The following KCNK2 variants were observed in gnomAD, a reference collection of about 807,000 sequenced individuals.
The protein encoded by KCNK2 is potassium channel subfamily K member 2.
Under a neutral mutation model 40.5 loss-of-function variants are expected in KCNK2, and 21 were observed. That is an observed-to-expected ratio of 0.52 (90% CI 0.37 to 0.75). The LOEUF is 0.75. Among genes scored for constraint, KCNK2 ranks in the 30% least tolerant of loss-of-function variants. KCNK2 has a pLI of 0.00. For synonymous variants in KCNK2, 191 were observed against 202.2 expected (o/e 0.94, Z 0.47); for missense variants, 399 against 531.6 (o/e 0.75, Z 2.45).
At chr1:215,095,059 G>T (rs1659918947) in intron 2 of KCNK2, among the ~76,000 whole-genome samples, 1 of 151,872 alleles carries the variant, frequency 6.6e-6, no homozygotes, top group Non-Finnish European at 1.5e-5. Flanking sequence ...AATATTAATT[G>T]TAATAATAGC....
At chr1:215,083,666 TA>T in intron 1 of KCNK2, 1 of 597,186 alleles carries the variant, frequency 1.7e-6, no homozygotes, top group Non-Finnish European at 3.0e-6. Context: ...CTGCCTGAGG[TA>T]TGGGTTTGGA....
At chr1:215,164,041 T>C (rs1056018805) in intron 3 of KCNK2, among the ~76,000 whole-genome samples, 1 of 152,200 alleles carries the variant, frequency 6.6e-6, no homozygotes, top group Non-Finnish European at 1.5e-5. Context: ...TGTGAATCTG[T>C]CTGGTCCTGG....
Position 215,224,180 on chromosome 1 carries a change from C to G in KCNK2, c.964-10648C>G, listed in dbSNP as rs140895148. On this transcript the variant is annotated intron_variant, in intron 6 of 6. Transcript: ENST00000444842. Reference sequence around the variant, plus strand: ...AGCATTATCTAAAATTGGAGAACCTCCTGGGTATTAGCTACTATTCAACAA... The same window carrying G: ...AGCATTATCTAAAATTGGAGAACCTGCTGGGTATTAGCTACTATTCAACAA... Among the ~76,000 whole-genome samples, 19 of 152,092 alleles carry G rather than the reference C, an allele frequency of 1.2e-4. 1 individual carries two copies. The highest frequency in any genetic ancestry group is 1.0e-3 in the Admixed American group (16 of 15,284).
intron 1 of KCNK2, among the ~76,000 whole-genome samples, chr1:215,056,499 C>CAA (rs376076606): frequency 0.012 from 662 of 54,554 alleles, 23 homozygotes; most frequent in East Asian, 0.023. Context: ...GACTCAGTCT[C>CAA]AAAAAAAAAA....
intron 6 of KCNK2, among the ~76,000 whole-genome samples, chr1:215,228,169 G>T (rs575984520): frequency 6.6e-6 from 1 of 152,262 alleles, no homozygotes; most frequent in Admixed American, 6.5e-5. Context: ...CGGGGAGAAT[G>T]AAAATAGAAC....
intron 6 of KCNK2, among the ~76,000 whole-genome samples, chr1:215,222,615 A>T (rs1666226291): frequency 6.6e-6 from 1 of 152,170 alleles, no homozygotes; most frequent in African/African-American, 2.4e-5. Context: ...TTACTAGCCA[A>T]AAAAAGCAGG....
intron 1 of KCNK2, among the ~76,000 whole-genome samples, chr1:215,014,314 A>G (rs1269702172): frequency 6.6e-6 from 1 of 151,880 alleles, no homozygotes; most frequent in Non-Finnish European, 1.5e-5. Flanking sequence ...AAATTTGCTA[A>G]TATTTTGTTG....
intron 1 of KCNK2, among the ~76,000 whole-genome samples, chr1:215,036,180 G>T: frequency 6.6e-6 from 1 of 151,054 alleles, no homozygotes. Context: ...TTACTTTGAG[G>T]TCTGTAATTC....
At chr1:215,215,856 C>G (rs1665938692) in intron 6 of KCNK2, among the ~76,000 whole-genome samples, 2 of 152,196 alleles carry the variant, frequency 1.3e-5, no homozygotes, top group Admixed American at 6.6e-5. Flanking sequence ...AGCCCCTGCA[C>G]TCTTCTGGGG....
intron 1 of KCNK2, among the ~76,000 whole-genome samples, chr1:215,068,972 G>A (rs1658657429): frequency 1.3e-5 from 2 of 152,288 alleles, no homozygotes; most frequent in South Asian, 4.1e-4. Flanking sequence ...TGATAACAAT[G>A]AAAGGAAACA....
At chr1:215,008,640 G>A (rs553953796) in intron 1 of KCNK2, among the ~76,000 whole-genome samples, 3 of 152,218 alleles carry the variant, frequency 2.0e-5, no homozygotes, top group Non-Finnish European at 4.4e-5. Flanking sequence ...GTAAGCATGC[G>A]ATAAGATGGT....
At chr1:215,183,735 A>G (rs1192523023) in intron 5 of KCNK2, among the ~76,000 whole-genome samples, 1 of 152,228 alleles carries the variant, frequency 6.6e-6, no homozygotes, top group Non-Finnish European at 1.5e-5. Flanking sequence ...AAATTAGAGT[A>G]GGAATGTGTT....
intron 5 of KCNK2, among the ~76,000 whole-genome samples, chr1:215,183,668 C>T (rs1664317973): frequency 1.3e-5 from 2 of 152,060 alleles, no homozygotes; most frequent in South Asian, 4.1e-4. Context: ...TACCAGCTAC[C>T]ATAAATCTAA....
intron 1 of KCNK2, among the ~76,000 whole-genome samples, chr1:215,046,404 G>A (rs559188525): frequency 1.3e-5 from 2 of 151,152 alleles, no homozygotes; most frequent in African/African-American, 4.8e-5. Context: ...TATGGTTGGG[G>A]ACTATATTTG....
intron 3 of KCNK2, among the ~76,000 whole-genome samples, chr1:215,146,632 G>A (rs1423687499): frequency 6.6e-6 from 1 of 152,138 alleles, no homozygotes; most frequent in African/African-American, 2.4e-5. Flanking sequence ...CATATTTGCA[G>A]AATGGCATGT....
At chr1:215,108,728 C>T (rs1351781153) in intron 2 of KCNK2, among the ~76,000 whole-genome samples, 1 of 125,710 alleles carries the variant, frequency 8.0e-6, no homozygotes, top group Non-Finnish European at 1.6e-5. Flanking sequence ...GCAGACAGCT[C>T]AAACAGTCAC....
chr1:215,121,202 CAAA>C (rs1661176043), intron 2 of KCNK2, among the ~76,000 whole-genome samples: 1 of 152,136 alleles, frequency 6.6e-6, no homozygotes, highest in African/African-American at 2.4e-5. Context: ...AACAAACAAA[CAAA>C]AATAACAAGT....
intron 1 of KCNK2, among the ~76,000 whole-genome samples, chr1:215,051,180 ATCC>A (rs1027150174): frequency 6.6e-6 from 1 of 152,172 alleles, no homozygotes; most frequent in African/African-American, 2.4e-5. Context: ...GATTCAAGCA[ATCC>A]TCCTCCTTCA....
At chr1:215,119,569 A>C (rs944537993) in intron 2 of KCNK2, among the ~76,000 whole-genome samples, 2 of 152,094 alleles carry the variant, frequency 1.3e-5, no homozygotes, top group African/African-American at 4.8e-5. Context: ...GGAGGAGCAA[A>C]ATTAAATGTG....
Sources: gnomAD v4.1 joint callset for allele counts (sites outside exome capture counted in the v4.1 genomes callset) on GRCh38, gnomAD v4.1.1 for gene constraint, MANE v1.5 for transcripts, NCBI Gene and HGNC (gene_info 2026-07-23, HGNC 2026-07-21) for gene names.